TSC2: variants seen among roughly 807,000 people sequenced by gnomAD.
TSC2 encodes tuberin.
Under a neutral mutation model 202.2 loss-of-function variants are expected in TSC2, and 29 were observed. That is an observed-to-expected ratio of 0.14 (90% CI 0.11 to 0.20). The LOEUF (loss-of-function observed/expected upper bound fraction) is 0.20. Among genes scored for constraint, TSC2 ranks in the 10% least tolerant of loss-of-function variants. The pLI, the probability that TSC2 is intolerant of heterozygous loss-of-function variation, is 1.00. For synonymous variants in TSC2, 1,349 were observed against 1,044.0 expected (o/e 1.29, Z -5.63); for missense variants, 2,429 against 2,420.0 (o/e 1.00, Z -0.08).
chr16:2,080,009 C>T (rs566798825), intron 29 of TSC2, among the ~76,000 whole-genome samples, 156 bp from the exon 30 acceptor site: 1 of 152,310 alleles, frequency 6.6e-6, no homozygotes, highest in South Asian at 2.1e-4. Context: ...TCACTGAGGC[C>T]AGCACTGTGG....
At chr16:2,059,516 T>G (rs1383810077) in intron 10 of TSC2, among the ~76,000 whole-genome samples, 2 of 144,472 alleles carry the variant, frequency 1.4e-5, no homozygotes, top group Non-Finnish European at 1.5e-5. Context: ...ATGGTTTTTT[T>G]TTTTTTTTTT....
Position 2,071,865 on chromosome 16 carries a change from C to T in TSC2, c.2028C>T (p.Gly676=), listed in dbSNP as rs1057520807. 1.3e-6 allele frequency: 2 copies of T among 1,551,162 alleles called. No homozygotes were observed. The highest frequency in any genetic ancestry group is 1.2e-5 in the South Asian group (1 of 82,382). Residue 676 remains glycine (G), a synonymous_variant, in exon 19 of 42, where the codon GGC becomes GGT. Coordinates refer to ENST00000219476, the MANE Select transcript of TSC2 (RefSeq NM_000548.5). ...PTGPPGPAPA[G]PAVRLGSVPY... ...GGCCTCCTGGCCCGGCGCCTGCAGG[C>T]CCCGCCGTGCGGCTGGGGTCCGTGC... is the stretch of plus-strand genomic sequence containing the variant.
chr16:2,088,000 T>C (rs1567129038), intron 39 of TSC2, 48 bp from the exon 40 acceptor site: 1 of 1,612,672 alleles, frequency 6.2e-7, no homozygotes, highest in Admixed American at 1.7e-5. Flanking sequence ...GGCCCTGCAG[T>C]GTGGCGCCAA....
In TSC2 at chr16:2,067,020, C is replaced by T. The variant is rs115753004; in HGVS notation, c.1716+1385C>T. Among the ~76,000 whole-genome samples, 435 of 152,108 alleles carry T rather than the reference C, an allele frequency of 2.9e-3. 2 individuals carry two copies. The highest frequency in any genetic ancestry group is 1.0e-2 in the African/African-American group (413 of 41,490). On this transcript the variant is annotated intron_variant, in intron 16 of 41. Coordinates refer to ENST00000219476, the MANE Select transcript of TSC2 (RefSeq NM_000548.5). ...TACGTGTGACTGTCAGTGTCAGTAT[C>T]GTGTAAAATATAATGTATGAATCAG...
chr16:2,081,928 C>T, intron 31 of TSC2, 130 bp downstream of exon 31: 7 of 1,270,194 alleles, frequency 5.5e-6, no homozygotes, highest in Non-Finnish European at 7.7e-6. Context: ...TGCCTCAGCA[C>T]CATTGTTCTC....
rs1060504092 is a variant in TSC2, at chr16:2,079,611, G to A, written c.3339G>A (p.Glu1113=). The A allele has an allele frequency of 1.2e-6, 2 of 1,611,312 alleles. No homozygotes were observed. Among genetic ancestry groups the A allele is most frequent in the Non-Finnish European group, 8.5e-7 (1 of 1,179,424 alleles). ...RQTKEAPAKL[E]SQAGQQVSRG... is the part of the protein sequence containing the mutation. ...CCAAGGAGGCGCCGGCCAAGCTGGA[G>A]TCCCAGGCTGGGCAGCAGGTGTCCC... Residue 1113 remains glutamate, a synonymous_variant, in exon 29 of 42, where the codon GAG becomes GAA. Coordinates refer to ENST00000219476, the MANE Select transcript of TSC2 (RefSeq NM_000548.5). The surrounding 1 kb of genome is among the most constrained non-coding windows in gnomAD (Gnocchi z 4.6).
At position 2,071,751 on chromosome 16, in the gene TSC2, A is replaced by G. The variant is rs1367922375; in HGVS notation, c.1947-33A>G. 1.9e-6 allele frequency: 3 copies of G among 1,600,812 alleles called. No homozygotes were observed. In the South Asian group the frequency reaches 3.4e-5, roughly 18 times the overall value. On this transcript the variant is annotated intron_variant, in intron 18 of 41. Coordinates refer to ENST00000219476, the MANE Select transcript of TSC2 (RefSeq NM_000548.5). ...AGTCTGTTCCGTTCCTGCTGCGGGG[A>G]CTTGGCCTCAGCTGCTTCTCTTGCT...
chr16:2,074,891 G>T, intron 22 of TSC2: 1 of 223,632 alleles, frequency 4.5e-6, no homozygotes, highest in Non-Finnish European at 9.1e-6. Flanking sequence ...GGTCCTGTCG[G>T]TCTTTCTGTT....
In TSC2 at chr16:2,077,721, C is replaced by G. The variant is rs775637322; in HGVS notation, c.2961C>G (p.Val987=). 1.1e-5 allele frequency: 17 copies of G among 1,612,528 alleles called. No individual in the cohort carries two copies. The Admixed American group carries it at 2.8e-4, about 27-fold the overall frequency. Residue 987 remains valine, a synonymous_variant, in exon 26 of 42, where the codon GTC becomes GTG. Transcript: ENST00000219476. ...CRSISVSEHV[V]RSRIQTSLTS... ...GCATCAGTGTGTCTGAACATGTGGT[C>G]CGCAGGTAGCGGGACTGTCGGGTGG...
At chr16:2,051,833 G>T (rs766218023) in intron 3 of TSC2, among the ~76,000 whole-genome samples, 1 of 152,238 alleles carries the variant, frequency 6.6e-6, no homozygotes, top group Non-Finnish European at 1.5e-5. Context: ...GGGAGGCCAA[G>T]GTGGATGGAT....
chr16:2,076,964 T>C (rs1172841617), intron 25 of TSC2, among the ~76,000 whole-genome samples: 1 of 152,258 alleles, frequency 6.6e-6, no homozygotes, highest in Non-Finnish European at 1.5e-5. Flanking sequence ...CGCAAAGAGC[T>C]GAGCCAGCCT....
At chr16:2,061,446 C>T in intron 11 of TSC2, 1 of 343,762 alleles carries the variant, frequency 2.9e-6, no homozygotes, top group Non-Finnish European at 5.7e-6. Flanking sequence ...AGGTCATAGC[C>T]TGGGGCTTCT....
At chr16:2,056,280 A>T (rs2085801884) in intron 7 of TSC2, 36 bp downstream of exon 7, 1 of 1,612,600 alleles carries the variant, frequency 6.2e-7, no homozygotes, top group South Asian at 1.1e-5. Context: ...GGCCCATTTC[A>T]CCCTGGTTTC....
Position 2,082,667 on chromosome 16 carries a change from C to T in TSC2, c.3883+163C>T, listed in dbSNP as rs62038809. The T allele has an allele frequency of 5.0e-5, 40 of 796,438 alleles. 1 individual carries two copies. In the East Asian group the frequency reaches 7.5e-4, roughly 15 times the overall value. The allele number at this position is 796,438 out of a possible 1,614,324, so 49.3% of individuals were successfully genotyped here. A position where few individuals can be genotyped will look rare whatever the true frequency, so the allele number is the denominator to read the frequency against. ...GGACGTCTGTGCAGAATGTCTTTGG[C>T]TTGGCCAGCGGGATCCCCTTGACTT... On this transcript the variant is annotated intron_variant, in intron 32 of 41. Transcript: ENST00000219476.
intron 8 of TSC2, 46 bp from the exon 9 acceptor site, chr16:2,057,059 G>A (rs1173162737): frequency 2.6e-6 from 4 of 1,548,180 alleles, no homozygotes; most frequent in East Asian, 2.4e-5. Flanking sequence ...GGGGCTGGGG[G>A]CAGGGCTTAT....
rs1567138894 is a variant in TSC2 at position 2,088,982 on chromosome 16, C to G, written c.*372C>G. On this transcript the variant is annotated 3_prime_UTR_variant, in exon 42 of 42. Coordinates refer to ENST00000219476, the MANE Select transcript of TSC2 (RefSeq NM_000548.5). ...CCTGGGGTCCTCTGACATGCCTAGT[C>G]CTGCTACTTGCCCAGACCTGATGCC... 1 of 297,044 alleles carries G rather than the reference C, an allele frequency of 3.4e-6. No homozygotes were observed. Among genetic ancestry groups the G allele is most frequent in the African/African-American group, 2.2e-5 (1 of 45,688 alleles). 18.4% of individuals were successfully genotyped at this position (297,044 alleles called of 1,614,324 possible). A position where few individuals can be genotyped will look rare whatever the true frequency, so the allele number is the denominator to read the frequency against.
rs1202399787 is a variant in TSC2, at chr16:2,062,518, A to G, written c.1279A>G (p.Ile427Val). 6 of 1,611,868 alleles carry G rather than the reference A, an allele frequency of 3.7e-6. No homozygotes were observed. The highest frequency in any genetic ancestry group is 5.1e-6 in the Non-Finnish European group (6 of 1,179,026). ...ACAGGAGTCCTCCCTCCTGAACCTG[A>G]TCTCCTATAGAGCGCAGTCCATCCA... ...QRPESSLLNL[I>V]SYRAQSIHPA... Residue 427 changes from isoleucine (I) to valine (V), a missense_variant, in exon 13 of 42, where the codon ATC becomes GTC. Coordinates refer to ENST00000219476, the MANE Select transcript of TSC2 (RefSeq NM_000548.5).
At position 2,080,401 on chromosome 16, in the gene TSC2, C is replaced by T. The variant is rs370313338; in HGVS notation, c.3610+24C>T. 8.8e-5 allele frequency: 142 copies of T among 1,606,590 alleles called. 2 individuals carry two copies. The highest frequency in any genetic ancestry group is 8.5e-4 in the South Asian group (77 of 90,920). ...AGGTACTGGGCGGGGCTGGCCTGAG[C>T]GCCATCTTTCTGCCAGTCACCCACA... On this transcript the variant is annotated intron_variant, in intron 30 of 41. Coordinates refer to ENST00000219476, the MANE Select transcript of TSC2 (RefSeq NM_000548.5).
rs766547457 is a variant in TSC2 at position 2,056,753 on chromosome 16, G to A, written c.758G>A (p.Cys253Tyr). ...CGCACCATCAACGTCAAGGAGCTCTGCGAGCCTTGCTGGAAGGTGGGGTTT... is the reference window on the plus strand; with the variant it reads ...CGCACCATCAACGTCAAGGAGCTCTACGAGCCTTGCTGGAAGGTGGGGTTT... ...LCRTINVKEL[C>Y]EPCWKLMRNL... Residue 253 changes from cysteine (C) to tyrosine (Y), a missense_variant, in exon 8 of 42, where the codon TGC becomes TAC. Physicochemically the swap from Cys to Tyr is radical, Grantham distance 194 (BLOSUM62 -2). Coordinates refer to ENST00000219476, the MANE Select transcript of TSC2 (RefSeq NM_000548.5). The A allele has an allele frequency of 2.7e-5, 43 of 1,609,930 alleles. No homozygotes were observed. The highest frequency in any genetic ancestry group is 1.7e-6 in the Non-Finnish European group (2 of 1,180,012).
Sources: gnomAD v4.1 joint callset for allele counts (sites outside exome capture counted in the v4.1 genomes callset) on GRCh38, gnomAD v4.1.1 for gene constraint, Gnocchi (gnomAD v3.1) non-coding constraint, MANE v1.5 for transcripts, NCBI Gene and HGNC (gene_info 2026-07-23, HGNC 2026-07-21) for gene names.